MID1: variants seen among roughly 807,000 people sequenced by gnomAD.
The protein encoded by MID1 is midline 1, also known as E3 ubiquitin-protein ligase Midline-1.
A neutral mutation model predicts 40.4 loss-of-function variants in MID1; 7 were observed. That is an observed-to-expected ratio of 0.17 (90% CI 0.10 to 0.33). The LOEUF (loss-of-function observed/expected upper bound fraction) is 0.33. MID1 is among the 10% of genes least tolerant of loss of function. The pLI, the probability that MID1 is intolerant of heterozygous loss-of-function variation, is 1.00. For synonymous variants in MID1, 229 were observed against 221.2 expected (o/e 1.04, Z -0.31); for missense variants, 367 against 558.5 (o/e 0.66, Z 3.46).
At chrX:10,504,817 C>T (rs761033183) in intron 3 of MID1, among the ~76,000 whole-genome samples, 24 of 109,669 alleles carry the variant, frequency 2.2e-4, no homozygotes, top group Admixed American at 2.0e-4. Context: ...GTGGGCCAGA[C>T]GGTCTCTGCT....
chrX:10,445,393 A>C (rs1018076437), downstream of MID1: 2 of 112,476 alleles, frequency 1.8e-5, no homozygotes, highest in Non-Finnish European at 3.8e-5. Context: ...TGTATTTTGA[A>C]TAGGGAAAGG....
intron 1 of MID1, among the ~76,000 whole-genome samples, chrX:10,723,676 G>A (rs1361678886): frequency 5.4e-5 from 6 of 111,973 alleles, no homozygotes; most frequent in Admixed American, 1.9e-4. Context: ...CTCAGCCTCC[G>A]GAGTAGCTGG....
chrX:10,728,124 G>C (rs1454117807), intron 1 of MID1, among the ~76,000 whole-genome samples: 1 of 111,841 alleles, frequency 8.9e-6, no homozygotes, highest in Non-Finnish European at 1.9e-5. Context: ...TTGTCTCCTA[G>C]AAATAAATAT....
At chrX:10,553,271 A>AAATAT (rs1218355747) in intron 2 of MID1, among the ~76,000 whole-genome samples, 61 of 107,282 alleles carry the variant, frequency 5.7e-4, no homozygotes, top group African/African-American at 1.9e-3. Flanking sequence ...AAATAAAAAA[A>AAATAT]ATATATATAT....
intron 7 of MID1, among the ~76,000 whole-genome samples, chrX:10,460,292 T>C (rs1388475319): frequency 9.0e-6 from 1 of 111,233 alleles, no homozygotes; most frequent in Admixed American, 9.6e-5. Context: ...GCCCAGCCAG[T>C]GCAGGAGTGA....
At chrX:10,667,006 G>T (rs2042955120) in intron 1 of MID1, among the ~76,000 whole-genome samples, 1 of 111,699 alleles carries the variant, frequency 9.0e-6, no homozygotes, top group Non-Finnish European at 1.9e-5. Flanking sequence ...AATTCTCACA[G>T]GTTTGGAATG....
chrX:10,533,741 T>G (rs998344445), intron 2 of MID1, among the ~76,000 whole-genome samples: 1 of 111,893 alleles, frequency 8.9e-6, no homozygotes, highest in Admixed American at 9.5e-5. Context: ...ATGCAATGAT[T>G]GAATAAATTC....
At chrX:10,508,180 C>T (rs1312553328) in intron 3 of MID1, among the ~76,000 whole-genome samples, 1 of 112,085 alleles carries the variant, frequency 8.9e-6, no homozygotes, top group Non-Finnish European at 1.9e-5. Context: ...GAACAAGCAG[C>T]GAACATGCCA....
At chrX:10,640,510 T>C (rs1936179149) in intron 1 of MID1, among the ~76,000 whole-genome samples, 1 of 111,397 alleles carries the variant, frequency 9.0e-6, no homozygotes, top group African/African-American at 3.3e-5. Flanking sequence ...CCCAGATTCA[T>C]AAAGCAAGTC....
At chrX:10,775,338 G>C (rs1198176614) in intron 1 of MID1, among the ~76,000 whole-genome samples, 1 of 111,028 alleles carries the variant, frequency 9.0e-6, no homozygotes, top group South Asian at 3.8e-4. Context: ...AGGCAAGGTG[G>C]ATTGGAAAGA....
At chrX:10,524,764 G>A (rs1338463411) in intron 2 of MID1, among the ~76,000 whole-genome samples, 1 of 112,210 alleles carries the variant, frequency 8.9e-6, no homozygotes, top group African/African-American at 3.2e-5. Context: ...GCTGGTTAAA[G>A]GTTTCCAAGA....
chrX:10,593,988 C>T (rs931103784), intron 1 of MID1, among the ~76,000 whole-genome samples: 1 of 111,443 alleles, frequency 9.0e-6, no homozygotes, highest in Non-Finnish European at 1.9e-5. Flanking sequence ...CCATCTCTCA[C>T]TTATGGGCCT....
At chrX:10,612,981 G>A (rs1238867080) in intron 1 of MID1, among the ~76,000 whole-genome samples, 1 of 111,919 alleles carries the variant, frequency 8.9e-6, no homozygotes, top group East Asian at 2.8e-4. Flanking sequence ...AATGTATTTC[G>A]TACAGAAGAC....
intron 1 of MID1, among the ~76,000 whole-genome samples, chrX:10,643,185 G>A (rs370244063): frequency 9.0e-6 from 1 of 111,148 alleles, no homozygotes; most frequent in African/African-American, 3.3e-5. Context: ...AAACTAAAGA[G>A]CTTCTGCACA....
At chrX:10,735,465 C>G (rs936865721) in intron 1 of MID1, among the ~76,000 whole-genome samples, 5 of 111,676 alleles carry the variant, frequency 4.5e-5, no homozygotes, top group Non-Finnish European at 9.4e-5. Context: ...TAGTTTCTCT[C>G]TTTCTTAATT....
chrX:10,637,850 G>A (rs1936137604), intron 1 of MID1, among the ~76,000 whole-genome samples: 1 of 111,503 alleles, frequency 9.0e-6, no homozygotes, highest in South Asian at 3.7e-4. Context: ...GGACAAATGT[G>A]CCACCATTAG....
At chrX:10,718,058 G>A (rs1313805145) in intron 1 of MID1, among the ~76,000 whole-genome samples, 1 of 111,779 alleles carries the variant, frequency 8.9e-6, no homozygotes, top group Non-Finnish European at 1.9e-5. Context: ...TGTGTAGAGG[G>A]AAATTTATAG....
intron 3 of MID1, among the ~76,000 whole-genome samples, chrX:10,504,323 G>T (rs1437588630): frequency 9.0e-6 from 1 of 111,454 alleles, no homozygotes; most frequent in Non-Finnish European, 1.9e-5. Context: ...ACAGTGAAAG[G>T]TCCATCCCCA....
intron 2 of MID1, among the ~76,000 whole-genome samples, chrX:10,537,365 C>A (rs1177848994): frequency 8.9e-6 from 1 of 111,934 alleles, no homozygotes; most frequent in African/African-American, 3.2e-5. Flanking sequence ...TGAAAACAAA[C>A]ATGTTAAACT....
Sources: gnomAD v4.1 joint callset for allele counts (sites outside exome capture counted in the v4.1 genomes callset) on GRCh38, gnomAD v4.1.1 for gene constraint, MANE v1.5 for transcripts, NCBI Gene and HGNC (gene_info 2026-07-23, HGNC 2026-07-21) for gene names.